The following TFEB variants were observed in gnomAD, a reference collection of about 807,000 sequenced individuals.
The protein encoded by TFEB is transcription factor EB, also known as T-cell transcription factor EB.
A neutral mutation model predicts 48.0 loss-of-function variants in TFEB; 12 were observed. The observed-to-expected ratio is 0.25, with a 90% confidence interval of 0.16 to 0.40. The LOEUF is 0.40. TFEB is among the 10% of genes least tolerant of loss of function. TFEB has a pLI of 1.00. For synonymous variants in TFEB, 244 were observed against 261.4 expected, an observed-to-expected ratio of 0.93 and a Z score of 0.64; for missense variants, 509 against 640.3, an observed-to-expected ratio of 0.79 and a Z score of 2.21.
rs912791145 is a variant in TFEB at position 41,684,922 on chromosome 6, C to T, written c.1108G>A (p.Glu370Lys). 1.3e-6 allele frequency: 2 copies of T among 1,581,304 alleles called. No homozygotes were observed. Among genetic ancestry groups the T allele is most frequent in the African/African-American group, 1.3e-5 (1 of 74,280 alleles). The change falls in exon 9 of 9, where the codon GAG becomes AAG. Residue 370 changes from glutamate to lysine, a missense_variant. Physicochemically the swap from Glu to Lys is moderately conservative, Grantham distance 56. Transcript: ENST00000373033. ...TGCGGGGGCAGAGCTGGCAGTGGCT[C>T]AGGGTCAGGGACCTCAGCCCCCAGC... ...LMLGAEVPDPEPLPALPPQAP... is the reference protein window; with the variant it reads ...LMLGAEVPDPKPLPALPPQAP...
intron 1 of TFEB, among the ~76,000 whole-genome samples, chr6:41,718,922 C>T (rs970672580): frequency 6.6e-6 from 1 of 152,180 alleles, no homozygotes; most frequent in Non-Finnish European, 1.5e-5. Flanking sequence ...ACAGGGGTCC[C>T]CAGTCCCCAG....
intron 1 of TFEB, among the ~76,000 whole-genome samples, chr6:41,695,013 ACT>A (rs1331081747): frequency 6.6e-6 from 1 of 151,960 alleles, no homozygotes; most frequent in African/African-American, 2.4e-5. Context: ...CTCTCAGCTG[ACT>A]CTGCCTCAAA....
chr6:41,734,454 G>A lies in TFEB; in HGVS notation c.-23+896C>T, dbSNP rs1416920922. 1 of 887,704 alleles carries A rather than the reference G, an allele frequency of 1.1e-6. No homozygotes were observed. The highest frequency in any genetic ancestry group is 1.3e-6 in the Non-Finnish European group (1 of 741,082). 55.0% of individuals were successfully genotyped at this position (887,704 alleles called of 1,614,324 possible). Reference sequence around the variant, plus strand: ...GCTGGCATCTGCCCGCTCCCTTCCAGGAGGCGAGCGGACGCGCTGGGCCAG... The same window carrying A: ...GCTGGCATCTGCCCGCTCCCTTCCAAGAGGCGAGCGGACGCGCTGGGCCAG... On this transcript the variant is annotated intron_variant, in intron 1 of 8. Transcript: ENST00000373033. This position sits in a 1 kb window ranked among gnomAD's most constrained non-coding sequence, Gnocchi z 4.0.
rs778939845 is a variant in TFEB, at chr6:41,687,986, G to A, written c.592C>T (p.Pro198Ser). 3 of 1,613,780 alleles carry A rather than the reference G, an allele frequency of 1.9e-6. No homozygotes were observed. In the Admixed American group the frequency reaches 5.0e-5, roughly 27 times the overall value. The change falls in exon 5 of 9, where the codon CCC becomes TCC. Residue 198 changes from proline to serine, a missense_variant. Transcript: ENST00000373033. ...CCCACCAGGGAGGCTGTGACCTGGG[G>A]GTCGCTGCTGTACACATTCAGGTGG... ...SSHLNVYSSD[P>S]QVTASLVGVT... is the part of the protein sequence containing the mutation.
intron 1 of TFEB, among the ~76,000 whole-genome samples, chr6:41,695,242 G>A (rs1235329350): frequency 6.6e-6 from 1 of 152,202 alleles, no homozygotes; most frequent in African/African-American, 2.4e-5. Context: ...TTCATAACCA[G>A]GGATCCCGGT....
chr6:41,714,922 G>A (rs1236871000), intron 1 of TFEB, among the ~76,000 whole-genome samples: 2 of 152,192 alleles, frequency 1.3e-5, no homozygotes, highest in East Asian at 3.9e-4. Context: ...AGGAGCCTGG[G>A]AGTCACCTAC....
chr6:41,702,141 C>G (rs758662720), intron 1 of TFEB, among the ~76,000 whole-genome samples: 2 of 151,846 alleles, frequency 1.3e-5, no homozygotes, highest in Non-Finnish European at 2.9e-5. Flanking sequence ...CAGTCCTGCG[C>G]CCCCCTCATC....
At chr6:41,688,446 C>A (rs1769129637) in intron 4 of TFEB, among the ~76,000 whole-genome samples, 1 of 152,004 alleles carries the variant, frequency 6.6e-6, no homozygotes, top group Admixed American at 6.6e-5. Context: ...GGCAGCTTGG[C>A]AGAGCACAAT....
At chr6:41,732,734 T>A in intron 1 of TFEB, 1 of 985,864 alleles carries the variant, frequency 1.0e-6, no homozygotes, top group Non-Finnish European at 1.2e-6. Context: ...CAGATGAGGA[T>A]CCACACTGTA....
At position 41,723,712 on chromosome 6, in the gene TFEB, G is replaced by A. The variant is rs1014961248; in HGVS notation, c.-23+11638C>T. 5 of 397,324 alleles carry A rather than the reference G, an allele frequency of 1.3e-5. No individual in the cohort carries two copies. Among genetic ancestry groups the A allele is most frequent in the Admixed American group, 3.7e-5 (1 of 27,150 alleles). The allele number at this position is 397,324 out of a possible 1,614,324, so 24.6% of individuals were successfully genotyped here. A position where few individuals can be genotyped will look rare whatever the true frequency, so the allele number is the denominator to read the frequency against. ...CGCCCCGACGGCACAGTCCCACACC[G>A]CAGCCTACCCAACACAGACTGCTTC... On this transcript the variant is annotated intron_variant, in intron 1 of 8. Coordinates refer to ENST00000373033, the MANE Select transcript of TFEB (RefSeq NM_001271944.2). The surrounding 1 kb of genome is among the most constrained non-coding windows in gnomAD (Gnocchi z 6.0).
At chr6:41,688,080 A>C in intron 4 of TFEB, 52 bp from the exon 5 acceptor site, 1 of 1,572,268 alleles carries the variant, frequency 6.4e-7, no homozygotes, top group Non-Finnish European at 8.7e-7. Context: ...CTCCACGGGG[A>C]GCCCCCTCTA....
chr6:41,729,726 G>T (rs1415318375), intron 1 of TFEB, among the ~76,000 whole-genome samples: 2 of 152,244 alleles, frequency 1.3e-5, no homozygotes, highest in Non-Finnish European at 2.9e-5. Context: ...TTCAGGGGAG[G>T]TGGGGACAGG....
In TFEB at chr6:41,707,582, G is replaced by A. The variant is rs556733295; in HGVS notation, c.-22-16347C>T. ...CCACCCCAGAAGGCCTTACCTACAC[G>A]CCACTTCCCTCTTTTAATTCTTCCC... is the stretch of plus-strand genomic sequence containing the variant. On this transcript the variant is annotated intron_variant, in intron 1 of 8. Coordinates refer to ENST00000373033, the MANE Select transcript of TFEB (RefSeq NM_001271944.2). Among the ~76,000 whole-genome samples, 7 of 151,964 alleles carry A rather than the reference G, an allele frequency of 4.6e-5. No individual in the cohort carries two copies. The East Asian group carries it at 5.8e-4, about 13-fold the overall frequency.
In TFEB at chr6:41,684,210, T is replaced by C. The variant is rs1768864090; in HGVS notation, c.*389A>G. 1 of 241,004 alleles carries C rather than the reference T, an allele frequency of 4.1e-6. No homozygotes were observed. The highest frequency in any genetic ancestry group is 8.1e-6 in the Non-Finnish European group (1 of 123,702). 14.9% of individuals were successfully genotyped at this position (241,004 alleles called of 1,614,324 possible). A position where few individuals can be genotyped will look rare whatever the true frequency, so the allele number is the denominator to read the frequency against. On this transcript the variant is annotated 3_prime_UTR_variant, in exon 9 of 9. Transcript: ENST00000373033. ...CAGGCCTGAGCACCCCCAGGACCAGTTGCCTCAGATGAGGAGCTTCCCGAA... is the reference window on the plus strand; with the variant it reads ...CAGGCCTGAGCACCCCCAGGACCAGCTGCCTCAGATGAGGAGCTTCCCGAA...
intron 1 of TFEB, among the ~76,000 whole-genome samples, chr6:41,695,538 G>T (rs1769532370): frequency 6.6e-6 from 1 of 152,170 alleles, no homozygotes; most frequent in African/African-American, 2.4e-5. Flanking sequence ...GAGGCACAGA[G>T]AGGTGAAGGA....
intron 1 of TFEB, among the ~76,000 whole-genome samples, chr6:41,697,695 A>C (rs1041785882): frequency 1.3e-5 from 2 of 152,196 alleles, no homozygotes; most frequent in African/African-American, 4.8e-5. Context: ...GTTGTGCATA[A>C]AGATGCACTT....
chr6:41,714,036 T>G (rs1401323981), intron 1 of TFEB, among the ~76,000 whole-genome samples: 1 of 152,226 alleles, frequency 6.6e-6, no homozygotes, highest in Non-Finnish European at 1.5e-5. Context: ...GAGGGCTCCT[T>G]CCTGGTCAGA....
intron 1 of TFEB, among the ~76,000 whole-genome samples, chr6:41,719,702 C>A (rs1770896987): frequency 6.6e-6 from 1 of 152,202 alleles, no homozygotes; most frequent in African/African-American, 2.4e-5. Context: ...GCTCTCACAA[C>A]AACCCTTTGA....
At chr6:41,685,504 A>G (rs1270950221) in intron 8 of TFEB, among the ~76,000 whole-genome samples, 1 of 152,222 alleles carries the variant, frequency 6.6e-6, no homozygotes, top group Non-Finnish European at 1.5e-5. Context: ...GGTGCAGTCC[A>G]ATTGCCCTTT....
Sources: allele counts gnomAD v4.1 joint callset (sites outside exome capture counted in the v4.1 genomes callset), GRCh38; gene constraint gnomAD v4.1.1; non-coding constraint Gnocchi (gnomAD v3.1); transcripts MANE v1.5; gene names NCBI Gene and HGNC (gene_info 2026-07-23, HGNC 2026-07-21).